The following IQSEC1 variants were observed in gnomAD, a reference collection of about 807,000 sequenced individuals.
The protein encoded by IQSEC1 is IQ motif and Sec7 domain ArfGEF 1.
A neutral mutation model predicts 91.0 loss-of-function variants in IQSEC1; 31 were observed. The ratio of observed to expected loss-of-function variants is 0.34; its 90% CI spans 0.26 to 0.46. The LOEUF is 0.46. Ranked by LOEUF, IQSEC1 falls within the 20% of genes least tolerant of loss-of-function variation. IQSEC1 has a pLI of 1.00. For synonymous variants in IQSEC1, 699 were observed against 662.6 expected, an observed-to-expected ratio of 1.05 and a Z score of -0.84; for missense variants, 1,388 against 1,575.6, an observed-to-expected ratio of 0.88 and a Z score of 2.02.
chr3:13,206,362 T>C (rs1177957823), intron 1 of IQSEC1, among the ~76,000 whole-genome samples: 1 of 152,192 alleles, frequency 6.6e-6, no homozygotes, highest in African/African-American at 2.4e-5. Flanking sequence ...GAAAGTCTAA[T>C]GGCTGGGAGA....
In IQSEC1 at chr3:13,130,357, AAAAAAG is replaced by A. The variant is rs1333265974; in HGVS notation, c.302+33741_302+33746del. Among the ~76,000 whole-genome samples the A allele has an allele frequency of 3.8e-3, 577 of 151,450 alleles. 5 individuals are homozygous for A. The highest frequency in any genetic ancestry group is 0.013 in the African/African-American group (553 of 40,970). On this transcript the variant is annotated intron_variant, in intron 2 of 15. Transcript: ENST00000648114. The stretch of plus-strand genomic sequence containing the variant: ...AGACTCTGTCAAAAAAAAAAAAAAA[AAAAAAG>A]AAAGAAAGAAAGAAATGTATTGTTT...
chr3:12,913,679 C>T, intron 8 of IQSEC1, 126 bp from the exon 9 acceptor site: 1 of 851,378 alleles, frequency 1.2e-6, no homozygotes. Context: ...TTAAAAAATG[C>T]CTTCCCTCAC....
chr3:13,170,451 A>T (rs142408673), intron 1 of IQSEC1, among the ~76,000 whole-genome samples: 2 of 152,232 alleles, frequency 1.3e-5, no homozygotes, highest in African/African-American at 4.8e-5. Flanking sequence ...AGCTGTGAGA[A>T]GAAGGCCACC....
intron 2 of IQSEC1, among the ~76,000 whole-genome samples, chr3:13,134,206 G>A (rs1011033882): frequency 1.3e-4 from 20 of 152,202 alleles, no homozygotes; most frequent in Non-Finnish European, 2.9e-4. Flanking sequence ...GTTGCCCCTC[G>A]TCAGGGCTGG....
At position 12,965,034 on chromosome 3, in the gene IQSEC1, T is replaced by C. The variant is rs548812905; in HGVS notation, c.24-23169A>G. ...TCCTTGAGTGAAAGCCTGAAAATCC[T>C]AGCAGGGCTAGCCAGGGCCTCCAGA... On this transcript the variant is annotated intron_variant, in intron 1 of 13. Transcript: ENST00000613206. 5.1e-4 allele frequency among the ~76,000 whole-genome samples: 77 copies of C among 152,312 alleles called. No homozygotes were observed. In the South Asian group the frequency reaches 6.0e-3, roughly 12 times the overall value.
At chr3:13,134,249 C>T (rs961252309) in intron 2 of IQSEC1, among the ~76,000 whole-genome samples, 5 of 152,154 alleles carry the variant, frequency 3.3e-5, no homozygotes, top group African/African-American at 4.8e-5. Context: ...GGCTGCAGGG[C>T]GAGGCATCCC....
In IQSEC1 at chr3:13,247,343, C is replaced by A. The variant is rs559108691; in HGVS notation, c.272+35368G>T. Among the ~76,000 whole-genome samples, 5 of 152,302 alleles carry A rather than the reference C, an allele frequency of 3.3e-5. No homozygotes were observed. In the South Asian group the frequency reaches 1.0e-3, roughly 32 times the overall value. On this transcript the variant is annotated intron_variant, in intron 1 of 15. Coordinates refer to the IQSEC1 transcript ENST00000648114. ...TAACATGACAATCTGAAAGTCTGTC[C>A]GGCTGTCATTTCCTCCATTGCCCCC...
intron 1 of IQSEC1, among the ~76,000 whole-genome samples, chr3:13,238,022 G>A (rs1208267411): frequency 6.6e-6 from 1 of 152,212 alleles, no homozygotes; most frequent in Non-Finnish European, 1.5e-5. Flanking sequence ...GGGTACACCT[G>A]GAGGCACTGA....
chr3:13,061,218 G>T (rs1054300167), intron 1 of IQSEC1, among the ~76,000 whole-genome samples: 1 of 152,130 alleles, frequency 6.6e-6, no homozygotes, highest in Non-Finnish European at 1.5e-5. Flanking sequence ...GGACAGAGCC[G>T]GCAGCATGGG....
chr3:13,231,741 CCTAA>C (rs1287489580), intron 1 of IQSEC1, among the ~76,000 whole-genome samples: 2 of 152,182 alleles, frequency 1.3e-5, no homozygotes, highest in African/African-American at 4.8e-5. Context: ...ATGCCAAGAC[CCTAA>C]CTCTGATTTC....
At chr3:13,232,304 G>A (rs1453271410) in intron 1 of IQSEC1, among the ~76,000 whole-genome samples, 1 of 152,210 alleles carries the variant, frequency 6.6e-6, no homozygotes, top group African/African-American at 2.4e-5. Flanking sequence ...CAGGATCTGG[G>A]GGGCACCAAC....
rs1012103956 is a variant in IQSEC1, at chr3:13,042,680, A to C, written c.23+30312T>G. 2.0e-5 allele frequency among the ~76,000 whole-genome samples: 3 copies of C among 152,106 alleles called. No individual in the cohort carries two copies. The South Asian group carries it at 6.2e-4, about 32-fold the overall frequency. On this transcript the variant is annotated intron_variant, in intron 1 of 13. Coordinates refer to ENST00000613206, the MANE Select transcript of IQSEC1 (RefSeq NM_001134382.3). ...GACACACCAAGGCAGCTCTGGCTGT[A>C]TCAAGTTGTGGGGGCCCCCAGTCCA...
intron 1 of IQSEC1, among the ~76,000 whole-genome samples, chr3:13,255,776 T>C (rs2125122543): frequency 6.6e-6 from 1 of 152,300 alleles, no homozygotes; most frequent in Admixed American, 6.5e-5. Context: ...GCCACTGTAA[T>C]CTGCACTCAG....
Position 13,026,864 on chromosome 3 carries a change from G to GCTTTTTT in IQSEC1, c.23+46127_23+46128insAAAAAAG, listed in dbSNP as rs370534423. 7.7e-5 allele frequency among the ~76,000 whole-genome samples: 7 copies of GCTTTTTT among 90,864 alleles called. 1 individual carries two copies. The highest frequency in any genetic ancestry group is 6.0e-4 in the South Asian group (1 of 1,674). 59.6% of individuals were successfully genotyped at this position (90,864 alleles called of 152,430 possible). A position where few individuals can be genotyped will look rare whatever the true frequency, so the allele number is the denominator to read the frequency against. On this transcript the variant is annotated intron_variant, in intron 1 of 13. Transcript: ENST00000613206. ...TGAAGTAGCAGTTATTATCTCCCCA[G>GCTTTTTT]TTTTTTTTTTTTTTGTTTGTTTTTT...
At position 13,052,862 on chromosome 3, in the gene IQSEC1, A is replaced by G. The variant is rs1027026141; in HGVS notation, c.23+20130T>C. ...GAGAGAAAAATATATTCCCAATAAA[A>G]CATGTCCAACTCTCCAGATAGTGGT... On this transcript the variant is annotated intron_variant, in intron 1 of 13. Coordinates refer to ENST00000613206, the MANE Select transcript of IQSEC1 (RefSeq NM_001134382.3). The G allele has an allele frequency of 4.8e-5, 33 of 683,280 alleles. No homozygotes were observed. In the African/African-American group the frequency reaches 5.7e-4, roughly 12 times the overall value. 42.3% of individuals were successfully genotyped at this position (683,280 alleles called of 1,614,324 possible). A position where few individuals can be genotyped will look rare whatever the true frequency, so the allele number is the denominator to read the frequency against.
chr3:13,054,673 T>G (rs1404133299), intron 1 of IQSEC1, among the ~76,000 whole-genome samples: 1 of 152,192 alleles, frequency 6.6e-6, no homozygotes, highest in Non-Finnish European at 1.5e-5. Flanking sequence ...CTCCTGAGGC[T>G]GAGGCGCAGA....
chr3:13,053,751 G>T (rs1704779068), intron 1 of IQSEC1, among the ~76,000 whole-genome samples: 2 of 152,182 alleles, frequency 1.3e-5, no homozygotes, highest in African/African-American at 4.8e-5. Context: ...TGAGTAATTT[G>T]CCTCAGTTTC....
chr3:13,263,983 G>T (rs1304346724), intron 1 of IQSEC1, among the ~76,000 whole-genome samples: 1 of 152,236 alleles, frequency 6.6e-6, no homozygotes, highest in Non-Finnish European at 1.5e-5. Flanking sequence ...GTCCGCCTGG[G>T]CTTCCAACGT....
chr3:13,083,215 C>G (rs998887635), intron 2 of IQSEC1, among the ~76,000 whole-genome samples: 1 of 152,150 alleles, frequency 6.6e-6, no homozygotes, highest in African/African-American at 2.4e-5. Flanking sequence ...CACTAGTGTT[C>G]AAGGAGAGAG....
Sources: gnomAD v4.1 joint callset for allele counts (sites outside exome capture counted in the v4.1 genomes callset) on GRCh38, gnomAD v4.1.1 for gene constraint, MANE v1.5 for transcripts, NCBI Gene and HGNC (gene_info 2026-07-23, HGNC 2026-07-21) for gene names.